PRKAG2: variants seen among roughly 807,000 people sequenced by gnomAD.
PRKAG2 encodes the protein protein kinase AMP-activated non-catalytic subunit gamma 2.
PRKAG2 carries 26 observed loss-of-function variants against 69.6 expected under a neutral mutation model. That is an observed-to-expected ratio of 0.37 (90% confidence interval 0.27 to 0.52). PRKAG2 has a LOEUF of 0.52. Ranked by LOEUF, PRKAG2 falls within the 20% of genes least tolerant of loss-of-function variation. The pLI is 0.90. For missense variants in PRKAG2, 557 were observed against 740.0 expected (o/e 0.75, Z 2.87); for synonymous variants, 293 against 285.0 (o/e 1.03, Z -0.28).
At chr7:151,597,984 G>A (rs1452194109) in intron 5 of PRKAG2, among the ~76,000 whole-genome samples, 1 of 152,290 alleles carries the variant, frequency 6.6e-6, no homozygotes, top group African/African-American at 2.4e-5. Context: ...AATGAAATCA[G>A]AGTGTTCATG....
chr7:151,635,274 A>G (rs924101974), intron 4 of PRKAG2, among the ~76,000 whole-genome samples: 2 of 152,194 alleles, frequency 1.3e-5, no homozygotes, highest in Non-Finnish European at 2.9e-5. Context: ...CTTAAAAACA[A>G]TTTGGCAGTT....
At chr7:151,601,906 C>T (rs1816171049) in intron 5 of PRKAG2, among the ~76,000 whole-genome samples, 1 of 152,168 alleles carries the variant, frequency 6.6e-6, no homozygotes, top group Admixed American at 6.5e-5. Flanking sequence ...AGGACAAGCT[C>T]GGGGTTCGTG....
intron 1 of PRKAG2, among the ~76,000 whole-genome samples, chr7:151,793,659 G>A (rs542323268): frequency 1.3e-5 from 2 of 152,292 alleles, no homozygotes; most frequent in African/African-American, 2.4e-5. Flanking sequence ...CCTGGATCTC[G>A]CCCCAAGTGG....
chr7:151,806,061 C>T (rs1364924763), intron 1 of PRKAG2, among the ~76,000 whole-genome samples: 3 of 152,162 alleles, frequency 2.0e-5, no homozygotes, highest in East Asian at 1.9e-4. Context: ...TGGTGGTGGC[C>T]GCCTGTAGTC....
chr7:151,742,160 C>G (rs1245422962), intron 3 of PRKAG2, among the ~76,000 whole-genome samples: 4 of 152,152 alleles, frequency 2.6e-5, no homozygotes, highest in Admixed American at 2.6e-4. Flanking sequence ...CATCCTTCCA[C>G]CATACCATAC....
At chr7:151,862,739 C>T (rs943900844) in intron 1 of PRKAG2, among the ~76,000 whole-genome samples, 1 of 152,204 alleles carries the variant, frequency 6.6e-6, no homozygotes, top group Middle Eastern at 3.2e-3. Context: ...GGTGTGGCTC[C>T]CGGATCCCCA....
At chr7:151,666,602 C>T (rs901766594) in intron 4 of PRKAG2, among the ~76,000 whole-genome samples, 1 of 152,196 alleles carries the variant, frequency 6.6e-6, no homozygotes, top group Non-Finnish European at 1.5e-5. Context: ...TATGAGGTCT[C>T]TCAGTTGGGT....
chr7:151,576,902 A>G (rs1809081100), intron 6 of PRKAG2, among the ~76,000 whole-genome samples: 1 of 152,240 alleles, frequency 6.6e-6, no homozygotes, highest in Non-Finnish European at 1.5e-5. Flanking sequence ...TATTAACATT[A>G]GCAAAAATCT....
intron 1 of PRKAG2, among the ~76,000 whole-genome samples, chr7:151,800,914 G>A (rs962201619): frequency 5.3e-5 from 8 of 152,220 alleles, no homozygotes; most frequent in African/African-American, 1.9e-4. Flanking sequence ...CAGACAACAG[G>A]GGAGATTGGC....
intron 3 of PRKAG2, among the ~76,000 whole-genome samples, chr7:151,676,144 G>A (rs1263601507): frequency 6.6e-6 from 1 of 151,774 alleles, no homozygotes; most frequent in Non-Finnish European, 1.5e-5. Flanking sequence ...CAAACGCAGT[G>A]GTGCCTTATT....
intron 1 of PRKAG2, 105 bp downstream of exon 1, chr7:151,876,402 G>A (rs1473016606): frequency 4.4e-6 from 5 of 1,125,332 alleles, no homozygotes; most frequent in South Asian, 2.5e-5. Context: ...AGTGACAGGA[G>A]GGGCACGCAC....
chr7:151,703,220 A>G (rs185954335), intron 3 of PRKAG2, among the ~76,000 whole-genome samples: 614 of 152,326 alleles, frequency 4.0e-3, no homozygotes, highest in African/African-American at 0.014. Flanking sequence ...GGAAAAGCGC[A>G]CCTTCTCCGT....
intron 1 of PRKAG2, among the ~76,000 whole-genome samples, chr7:151,849,831 G>A (rs1399772235): frequency 6.6e-6 from 1 of 152,152 alleles, no homozygotes. Flanking sequence ...CCTCATCTTC[G>A]CTAAGTACAT....
chr7:151,731,657 G>A (rs919592512), intron 3 of PRKAG2, among the ~76,000 whole-genome samples: 1 of 152,178 alleles, frequency 6.6e-6, no homozygotes, highest in Non-Finnish European at 1.5e-5. Flanking sequence ...GCTGAGTTAA[G>A]GCAGAGGAGC....
chr7:151,714,966 A>G (rs1183655945), intron 3 of PRKAG2, among the ~76,000 whole-genome samples: 1 of 151,366 alleles, frequency 6.6e-6, no homozygotes, highest in East Asian at 2.0e-4. Flanking sequence ...ATAATAAATA[A>G]GAAAAAATAA....
intron 6 of PRKAG2, among the ~76,000 whole-genome samples, chr7:151,593,735 C>T (rs564690120): frequency 1.4e-4 from 22 of 152,292 alleles, no homozygotes; most frequent in African/African-American, 5.3e-4. Context: ...TATTTGGATG[C>T]TTCCTTCTTT....
intron 10 of PRKAG2, among the ~76,000 whole-genome samples, chr7:151,569,348 T>G (rs1807020313): frequency 6.6e-6 from 1 of 152,238 alleles, no homozygotes; most frequent in Admixed American, 6.5e-5. Context: ...AAGAGGAGTT[T>G]TTTTAAAGAG....
Position 151,699,411 on chromosome 7 carries a change from A to G in PRKAG2, c.467-23774T>C, listed in dbSNP as rs1320345153. Among the ~76,000 whole-genome samples, 1 of 152,218 alleles carries G rather than the reference A, an allele frequency of 6.6e-6. No homozygotes were observed. Among genetic ancestry groups the G allele is most frequent in the Non-Finnish European group, 1.5e-5 (1 of 68,044 alleles). ...GCCCCCTGCTGAGAAAGAGGCGCTA[A>G]GGTGGCCCTGGAGCCGTGAATTCAC... On this transcript the variant is annotated intron_variant, in intron 3 of 15. Coordinates refer to ENST00000287878, the MANE Select transcript of PRKAG2 (RefSeq NM_016203.4). This position sits in a 1 kb window ranked among gnomAD's most constrained non-coding sequence, Gnocchi z 4.5.
intron 3 of PRKAG2, among the ~76,000 whole-genome samples, chr7:151,763,277 C>T (rs1387756906): frequency 6.6e-6 from 1 of 152,276 alleles, no homozygotes; most frequent in African/African-American, 2.4e-5. Context: ...CTCCTGCTGT[C>T]CTGCTCCCTC....
Sources: gnomAD v4.1 joint callset for allele counts (sites outside exome capture counted in the v4.1 genomes callset) on GRCh38, gnomAD v4.1.1 for gene constraint, Gnocchi (gnomAD v3.1) non-coding constraint, MANE v1.5 for transcripts, NCBI Gene and HGNC (gene_info 2026-07-23, HGNC 2026-07-21) for gene names.